The following NCK2 variants were observed in gnomAD, a reference collection of about 807,000 sequenced individuals.
NCK2 encodes the protein cytoplasmic protein NCK2.
Under a neutral mutation model 33.9 loss-of-function variants are expected in NCK2, and 16 were observed. That is an observed-to-expected ratio of 0.47 (90% CI 0.32 to 0.72). NCK2 has a LOEUF of 0.72. NCK2 is among the 30% of genes least tolerant of loss of function. The pLI is 0.03. For synonymous variants in NCK2, 273 were observed against 239.9 expected, an observed-to-expected ratio of 1.14 and a Z score of -1.27; for missense variants, 418 against 537.3, an observed-to-expected ratio of 0.78 and a Z score of 2.19.
intron 1 of NCK2, among the ~76,000 whole-genome samples, chr2:105,806,009 C>G (rs572230841): frequency 6.6e-6 from 1 of 151,592 alleles, no homozygotes; most frequent in African/African-American, 2.4e-5. Context: ...TATTTTTTTT[C>G]TTGGGGGTGC....
At chr2:105,854,159 C>T (rs913402292) in intron 2 of NCK2, 1 of 152,110 alleles carries the variant, frequency 6.6e-6, no homozygotes. Flanking sequence ...TTTAAGGTTC[C>T]GCTATGTCTT....
In NCK2 at chr2:105,745,112, C is replaced by G. The variant is rs1026006152; in HGVS notation, c.-227C>G. The G allele has an allele frequency of 6.7e-6, 1 of 148,170 alleles. No individual in the cohort carries two copies. The highest frequency in any genetic ancestry group is 6.7e-5 in the Admixed American group (1 of 14,908). 9.2% of individuals were successfully genotyped at this position (148,170 alleles called of 1,614,324 possible). ...GCCCCGGGACCCGCGCCGCTGCCCT[C>G]CGGCTCCGCGGGCGGCCCACGGCGA... On this transcript the variant is annotated 5_prime_UTR_variant, in exon 1 of 5. Coordinates refer to ENST00000233154, the MANE Select transcript of NCK2 (RefSeq NM_003581.5).
At chr2:105,887,907 T>C (rs1200781422) in intron 4 of NCK2, among the ~76,000 whole-genome samples, 1 of 152,168 alleles carries the variant, frequency 6.6e-6, no homozygotes, top group Non-Finnish European at 1.5e-5. Flanking sequence ...TACCCACTTA[T>C]CGCGAGCACA....
chr2:105,833,405 T>C (rs1160678340), intron 2 of NCK2, among the ~76,000 whole-genome samples: 1 of 152,200 alleles, frequency 6.6e-6, no homozygotes, highest in Non-Finnish European at 1.5e-5. Context: ...TTTCTATTTC[T>C]TTCTGCTTCA....
intron 3 of NCK2, among the ~76,000 whole-genome samples, chr2:105,875,695 C>T (rs1678209351): frequency 6.6e-6 from 1 of 152,156 alleles, no homozygotes; most frequent in Non-Finnish European, 1.5e-5. Context: ...CACCAGACAC[C>T]GAATCTCCTG....
intron 1 of NCK2, among the ~76,000 whole-genome samples, chr2:105,815,481 T>C (rs1675446101): frequency 6.6e-6 from 1 of 152,168 alleles, no homozygotes; most frequent in Non-Finnish European, 1.5e-5. Flanking sequence ...TGAAATGTAA[T>C]TAAAAATGTC....
intron 1 of NCK2, among the ~76,000 whole-genome samples, chr2:105,814,754 C>T (rs1675422713): frequency 6.6e-6 from 1 of 152,178 alleles, no homozygotes. Context: ...TAGAATCCAT[C>T]CTGGCAGTGT....
At position 105,816,608 on chromosome 2, in the gene NCK2, C is replaced by T. The variant is rs1675495011; in HGVS notation, c.-22C>T. ...TTGCCAGTCACCTCTCAACTGTGTG[C>T]CAAAGGTAAGTCTGCAGTTTTCTGC... On this transcript the variant is annotated 5_prime_UTR_variant, in exon 2 of 5. Coordinates refer to ENST00000233154, the MANE Select transcript of NCK2 (RefSeq NM_003581.5). 2 of 152,278 alleles carry T rather than the reference C, an allele frequency of 1.3e-5. No homozygotes were observed. Among genetic ancestry groups the T allele is most frequent in the East Asian group, 1.9e-4 (1 of 5,164 alleles). The allele number at this position is 152,278 out of a possible 1,614,324, so 9.4% of individuals were successfully genotyped here. A position where few individuals can be genotyped will look rare whatever the true frequency, so the allele number is the denominator to read the frequency against.
chr2:105,772,895 ATT>A (rs34721498), intron 1 of NCK2, among the ~76,000 whole-genome samples: 1,944 of 133,066 alleles, frequency 0.015, 33 homozygotes, highest in African/African-American at 0.037. Context: ...ACGTGTCCAC[ATT>A]TTTTTTTTTT....
chr2:105,764,427 C>T (rs1689867399), intron 1 of NCK2, among the ~76,000 whole-genome samples: 1 of 152,234 alleles, frequency 6.6e-6, no homozygotes, highest in Non-Finnish European at 1.5e-5. Context: ...CCTGCAGGAG[C>T]CTGCAGCCTG....
chr2:105,859,922 G>A (rs1016861548), intron 3 of NCK2, among the ~76,000 whole-genome samples: 9 of 152,174 alleles, frequency 5.9e-5, no homozygotes, highest in African/African-American at 2.2e-4. Context: ...TTGCAAAGCT[G>A]ACTGCTTATT....
chr2:105,783,813 G>C (rs564454492), intron 1 of NCK2, among the ~76,000 whole-genome samples: 1 of 152,144 alleles, frequency 6.6e-6, no homozygotes, highest in Non-Finnish European at 1.5e-5. Flanking sequence ...AGAGGGTTTT[G>C]CAGCTGGAAA....
At chr2:105,849,044 C>T (rs1405030351) in intron 2 of NCK2, among the ~76,000 whole-genome samples, 1 of 152,080 alleles carries the variant, frequency 6.6e-6, no homozygotes, top group Non-Finnish European at 1.5e-5. Context: ...CTGGAAGTAA[C>T]ATGTTAGACT....
At position 105,858,050 on chromosome 2, in the gene NCK2, T is replaced by G. The variant is rs545789704; in HGVS notation, c.226+2761T>G. On this transcript the variant is annotated intron_variant, in intron 3 of 4. Coordinates refer to ENST00000233154, the MANE Select transcript of NCK2 (RefSeq NM_003581.5). The stretch of plus-strand genomic sequence containing the variant: ...TTTTTGTTCTTTGTTTTTTGGGGTT[T>G]TTTTTTTGTTTTTTTTTTTGCTAAA... Among the ~76,000 whole-genome samples the G allele has an allele frequency of 3.0e-3, 299 of 99,126 alleles. 1 individual carries two copies. The highest frequency in any genetic ancestry group is 7.9e-3 in the African/African-American group (288 of 36,242). 65.0% of individuals were successfully genotyped at this position (99,126 alleles called of 152,430 possible).
chr2:105,829,365 T>C (rs1024963314), intron 2 of NCK2, among the ~76,000 whole-genome samples: 5 of 152,202 alleles, frequency 3.3e-5, no homozygotes, highest in Admixed American at 6.5e-5. Flanking sequence ...AAAGTTCTCA[T>C]ATATTTAGCA....
chr2:105,809,748 C>T (rs181873411), intron 1 of NCK2, among the ~76,000 whole-genome samples: 20 of 152,168 alleles, frequency 1.3e-4, no homozygotes, highest in African/African-American at 4.8e-4. Flanking sequence ...TGAGTACTGT[C>T]TAAGATGCTA....
chr2:105,880,766 A>G (rs1309382353), intron 3 of NCK2, among the ~76,000 whole-genome samples: 1 of 152,082 alleles, frequency 6.6e-6, no homozygotes, highest in East Asian at 1.9e-4. Context: ...CTTTTGTGTC[A>G]CTGGTATTCC....
chr2:105,751,741 C>T (rs1689462249), intron 1 of NCK2, among the ~76,000 whole-genome samples: 1 of 152,174 alleles, frequency 6.6e-6, no homozygotes, highest in Non-Finnish European at 1.5e-5. Flanking sequence ...GCCCAGCTCT[C>T]TGTCATGGGA....
chr2:105,753,310 ATG>A (rs1486389440), intron 1 of NCK2, among the ~76,000 whole-genome samples: 3 of 152,108 alleles, frequency 2.0e-5, no homozygotes, highest in African/African-American at 4.8e-5. Context: ...GAAGCCTTGG[ATG>A]GTCATCACTG....
Sources: allele counts gnomAD v4.1 joint callset (sites outside exome capture counted in the v4.1 genomes callset), GRCh38; gene constraint gnomAD v4.1.1; transcripts MANE v1.5; gene names NCBI Gene and HGNC (gene_info 2026-07-23, HGNC 2026-07-21).